C4orf54: variants seen among roughly 807,000 people sequenced by gnomAD.
The protein encoded by C4orf54 is uncharacterized protein C4orf54.
C4orf54 carries 67 observed loss-of-function variants against 80.1 expected under a neutral mutation model. That is an observed-to-expected ratio of 0.84 (90% CI 0.69 to 1.03). C4orf54 has a LOEUF of 1.03. Among genes scored for constraint, C4orf54 ranks in the 50% least tolerant of loss-of-function variants. The pLI is 0.00. For missense variants in C4orf54, 2,434 were observed against 2,253.5 expected, an observed-to-expected ratio of 1.08 and a Z score of -1.62; for synonymous variants, 1,000 against 917.0, an observed-to-expected ratio of 1.09 and a Z score of -1.64.
chr4:99,649,521 C>G lies in C4orf54; in HGVS notation c.5128G>C (p.Val1710Leu). ...GCCTCTTTGCTGGAAGGTTCTGCCACCATTGGGGAGAGCTCACTTCCTCTT... is the reference window on the plus strand; with the variant it reads ...GCCTCTTTGCTGGAAGGTTCTGCCAGCATTGGGGAGAGCTCACTTCCTCTT... ...APRGSELSPMVAEPSSKEAAA... is the reference protein window; with the variant it reads ...APRGSELSPMLAEPSSKEAAA... Residue 1710 changes from valine to leucine, a missense_variant, in exon 2 of 3, where the codon GTG becomes CTG. Val to Leu is a conservative substitution (Grantham distance 32). Coordinates refer to ENST00000511828, the MANE Select transcript of C4orf54 (RefSeq NM_001354435.2). The G allele has an allele frequency of 6.5e-6, 10 of 1,536,108 alleles. No individual in the cohort carries two copies. Among genetic ancestry groups the G allele is most frequent in the Non-Finnish European group, 8.7e-6 (10 of 1,146,906 alleles).
rs900721589 is a variant in C4orf54, at chr4:99,653,570, G to T, written c.1079C>A (p.Pro360His). 2.6e-6 allele frequency: 4 copies of T among 1,535,806 alleles called. No individual in the cohort carries two copies. The highest frequency in any genetic ancestry group is 2.4e-5 in the East Asian group (1 of 40,894). ...IAKSQGSRDP[P>H]KVEEAHYITT... is the part of the protein sequence containing the mutation. ...GATGTAGTGAGCCTCTTCGACTTTG[G>T]GGGGGTCCCTGCTGCCCTGGGACTT... is the stretch of plus-strand genomic sequence containing the variant. The change falls in exon 2 of 3, where the codon CCC (proline) becomes CAC (histidine). Residue 360 changes from proline (P) to histidine (H), a missense_variant. Physicochemically the swap from Pro to His is moderately conservative, Grantham distance 77. Transcript: ENST00000511828.
Position 99,650,819 on chromosome 4 carries a change from C to A in C4orf54, c.3830G>T (p.Arg1277Leu). 6.5e-6 allele frequency: 10 copies of A among 1,536,162 alleles called. No homozygotes were observed. Among genetic ancestry groups the A allele is most frequent in the Non-Finnish European group, 8.7e-6 (10 of 1,146,908 alleles). Residue 1277 changes from arginine to leucine, a missense_variant, in exon 2 of 3, where the codon CGC becomes CTC. Physicochemically the swap from Arg to Leu is moderately radical, Grantham distance 102 (BLOSUM62 -2). Coordinates refer to ENST00000511828, the MANE Select transcript of C4orf54 (RefSeq NM_001354435.2). ...CATCATAGGCAAGGGGTCGCTTTTG[C>A]GCTTCCACTCGTTCCTGTTGAAGCT... ...LYSFNRNEWK[R>L]KSDPLPMMMD...
rs1190140235 is a variant in C4orf54 at position 99,653,708 on chromosome 4, C to T, written c.941G>A (p.Gly314Asp). The T allele has an allele frequency of 6.5e-7, 1 of 1,532,212 alleles. No individual in the cohort carries two copies. Among genetic ancestry groups the T allele is most frequent in the South Asian group, 1.2e-5 (1 of 83,564 alleles). The allele number at this position is 1,532,212 out of a possible 1,614,324, so 94.9% of individuals were successfully genotyped here. The change falls in exon 2 of 3, where the codon GGT (glycine) becomes GAT (aspartate). Residue 314 changes from glycine (G) to aspartate (D), a missense_variant. Coordinates refer to ENST00000511828, the MANE Select transcript of C4orf54 (RefSeq NM_001354435.2). ...GFESESGESE[G>D]CQAVGGEGEK... is the part of the protein sequence containing the mutation. ...TCCTTCTCCTCCCACGGCCTGGCAA[C>T]CTTCACTTTCACCACTCTCACTCTC...
In C4orf54 at chr4:99,652,093, G is replaced by A; in HGVS notation, c.2556C>T (p.Arg852=). 4.6e-6 allele frequency: 7 copies of A among 1,536,070 alleles called. No homozygotes were observed. Among genetic ancestry groups the A allele is most frequent in the Admixed American group, 2.0e-5 (1 of 51,000 alleles). ...CCCTCTCTCGCTGCCTCTCGCTCCCGCGGGCGCCCTCCGTCTCCTTGGAGG... is the reference window on the plus strand; with the variant it reads ...CCCTCTCTCGCTGCCTCTCGCTCCCACGGGCGCCCTCCGTCTCCTTGGAGG... The part of the protein sequence containing the change: ...SGTSKETEGA[R]GSERQRERGL... The change falls in exon 2 of 3, where the codon CGC becomes CGT. Residue 852 remains arginine, a synonymous_variant. Coordinates refer to ENST00000511828, the MANE Select transcript of C4orf54 (RefSeq NM_001354435.2).
chr4:99,641,412 C>G (rs1023547014), intron 2 of C4orf54, among the ~76,000 whole-genome samples: 1 of 151,948 alleles, frequency 6.6e-6, no homozygotes, highest in Non-Finnish European at 1.5e-5. Context: ...AGGAAATTGC[C>G]CCAAGTGGAA....
Position 99,653,771 on chromosome 4 carries a change from G to A in C4orf54, c.878C>T (p.Thr293Ile). The change falls in exon 2 of 3, where the codon ACA (threonine) becomes ATA (isoleucine). Residue 293 changes from threonine to isoleucine, a missense_variant. Coordinates refer to ENST00000511828, the MANE Select transcript of C4orf54 (RefSeq NM_001354435.2). ...TGAAGAGGAGGTGGCCAGAGCCCCT[G>A]TGGATGTGGTGGAGTCCTCCATTTT... The part of the protein sequence containing the change: ...LSKMEDSTTS[T>I]GALATSSSSL... 1 of 1,536,122 alleles carries A rather than the reference G, an allele frequency of 6.5e-7. No individual in the cohort carries two copies. Among genetic ancestry groups the A allele is most frequent in the Non-Finnish European group, 8.7e-7 (1 of 1,146,910 alleles).
Position 99,637,196 on chromosome 4 carries a change from G to T in C4orf54, c.*4037C>A, listed in dbSNP as rs1438367863. ...ATTATGAAACTTAAAAAAAGAAAAA[G>T]AAATCAAATCAGATGTGTGTGTTTT... On this transcript the variant is annotated 3_prime_UTR_variant, in exon 3 of 3. Coordinates refer to ENST00000511828, the MANE Select transcript of C4orf54 (RefSeq NM_001354435.2). The T allele has an allele frequency of 1.3e-5, 2 of 152,102 alleles. No individual in the cohort carries two copies. Among genetic ancestry groups the T allele is most frequent in the Non-Finnish European group, 2.9e-5 (2 of 68,000 alleles). 9.4% of individuals were successfully genotyped at this position (152,102 alleles called of 1,614,324 possible).
At chr4:99,642,156 A>T (rs1408161496) in intron 2 of C4orf54, among the ~76,000 whole-genome samples, 1 of 152,216 alleles carries the variant, frequency 6.6e-6, no homozygotes, top group South Asian at 2.1e-4. Flanking sequence ...GCAAGATGAA[A>T]GGGACCATTG....
chr4:99,652,105 C>A lies in C4orf54; in HGVS notation c.2544G>T (p.Thr848=). The A allele has an allele frequency of 1.4e-5, 22 of 1,536,092 alleles. No homozygotes were observed. Among genetic ancestry groups the A allele is most frequent in the Non-Finnish European group, 1.7e-5 (20 of 1,146,880 alleles). ...GCCTCTCGCTCCCGCGGGCGCCCTCCGTCTCCTTGGAGGTGCCTGAGAGGT... is the reference window on the plus strand; with the variant it reads ...GCCTCTCGCTCCCGCGGGCGCCCTCAGTCTCCTTGGAGGTGCCTGAGAGGT... ...SHHLSGTSKE[T]EGARGSERQR... Residue 848 remains threonine, a synonymous_variant, in exon 2 of 3, where the codon ACG becomes ACT. Coordinates refer to ENST00000511828, the MANE Select transcript of C4orf54 (RefSeq NM_001354435.2).
rs1560641317 is a variant in C4orf54 at position 99,653,632 on chromosome 4, C to G, written c.1017G>C (p.Gly339=). The G allele has an allele frequency of 6.5e-7, 1 of 1,534,290 alleles. No individual in the cohort carries two copies. Residue 339 remains glycine, a synonymous_variant, in exon 2 of 3, where the codon GGG becomes GGC. Coordinates refer to ENST00000511828, the MANE Select transcript of C4orf54 (RefSeq NM_001354435.2). ...CCCTGCACTCTGTTCCATCTCCTGCCCCTCCTCCCCCTCCTCCTTTTCCTC... is the reference window on the plus strand; with the variant it reads ...CCCTGCACTCTGTTCCATCTCCTGCGCCTCCTCCCCCTCCTCCTTTTCCTC... ...GGGGKGGGGG[G]AGDGTECRDI...
intron 2 of C4orf54, among the ~76,000 whole-genome samples, chr4:99,642,355 G>T (rs966097349): frequency 6.6e-6 from 1 of 152,196 alleles, no homozygotes; most frequent in African/African-American, 2.4e-5. Context: ...GGCAAGATTT[G>T]CAAAGACTCC....
Position 99,651,011 on chromosome 4 carries a change from TGCTCGGGCTTA to T in C4orf54, c.3627_3637del (p.Asn1209LysfsTer85), listed in dbSNP as rs1560638498. 1.3e-6 allele frequency: 2 copies of T among 1,536,010 alleles called. No individual in the cohort carries two copies. The highest frequency in any genetic ancestry group is 2.4e-5 in the South Asian group (2 of 84,050). On this transcript the variant is annotated frameshift_variant, in exon 2 of 3. Transcript: ENST00000511828. LOFTEE classifies it high-confidence loss of function. ...CTTGAGCACAGGCAGGTATGAGCCC[TGCTCGGGCTTA>T]TTGGGGGCAATGGTAGCCACAGGCA...
rs1198086918 is a variant in C4orf54, at chr4:99,653,249, G to A, written c.1400C>T (p.Thr467Ile). ...GTCAGAGGGGCCACTGCCCACTTCGGTGCTGCTGGTGTCGCGGCCACTGCG... is the reference window on the plus strand; with the variant it reads ...GTCAGAGGGGCCACTGCCCACTTCGATGCTGCTGGTGTCGCGGCCACTGCG... ...AGRSGRDTSS[T>I]EVGSGPSDSG... Residue 467 changes from threonine (T) to isoleucine (I), a missense_variant, in exon 2 of 3, where the codon ACC becomes ATC. Thr to Ile is a moderately conservative substitution (Grantham distance 89). Coordinates refer to ENST00000511828, the MANE Select transcript of C4orf54 (RefSeq NM_001354435.2). 116 of 1,532,080 alleles carry A rather than the reference G, an allele frequency of 7.6e-5. 1 individual carries two copies. In the Admixed American group the frequency reaches 2.2e-3, roughly 30 times the overall value. 94.9% of individuals were successfully genotyped at this position (1,532,080 alleles called of 1,614,324 possible). A position where few individuals can be genotyped will look rare whatever the true frequency, so the allele number is the denominator to read the frequency against.
intron 2 of C4orf54, among the ~76,000 whole-genome samples, chr4:99,647,422 G>A (rs1414904437): frequency 1.3e-5 from 2 of 152,128 alleles, no homozygotes; most frequent in Admixed American, 6.5e-5. Flanking sequence ...TTCCTTCTGC[G>A]AAACTAATTC....
chr4:99,645,584 T>G (rs1726688526), intron 2 of C4orf54, among the ~76,000 whole-genome samples: 1 of 151,764 alleles, frequency 6.6e-6, no homozygotes, highest in South Asian at 2.1e-4. Context: ...ATTAAAATCT[T>G]AAAACAAAAA....
intron 1 of C4orf54, among the ~76,000 whole-genome samples, chr4:99,655,167 A>G (rs1726958884): frequency 6.6e-6 from 1 of 152,228 alleles, no homozygotes; most frequent in Admixed American, 6.5e-5. Flanking sequence ...GTTACACTCT[A>G]TGAAACACGA....
In C4orf54 at chr4:99,651,731, C is replaced by A. The variant is rs1483187033; in HGVS notation, c.2918G>T (p.Arg973Leu). The A allele has an allele frequency of 5.2e-6, 8 of 1,535,952 alleles. No homozygotes were observed. Among genetic ancestry groups the A allele is most frequent in the Non-Finnish European group, 6.1e-6 (7 of 1,146,906 alleles). ...KLKLPKGGDW[R>L]ADLGEISASK... ...GGCAGAAATCTCCCCGAGATCAGCC[C>A]GCCAGTCGCCTCCTTTGGGCAGCTT... The change falls in exon 2 of 3, where the codon CGG becomes CTG. Residue 973 changes from arginine (R) to leucine (L), a missense_variant. Transcript: ENST00000511828.
intron 2 of C4orf54, among the ~76,000 whole-genome samples, chr4:99,645,229 C>T (rs1726680498): frequency 6.6e-6 from 1 of 151,852 alleles, no homozygotes; most frequent in Non-Finnish European, 1.5e-5. Context: ...TCTAGGGACT[C>T]ATTAGAATAA....
rs1726749983 is a variant in C4orf54 at position 99,649,222 on chromosome 4, T to C, written c.*36+9A>G. 6.9e-7 allele frequency: 1 copy of C among 1,455,378 alleles called. No homozygotes were observed. The highest frequency in any genetic ancestry group is 1.4e-5 in the African/African-American group (1 of 70,374). 90.2% of individuals were successfully genotyped at this position (1,455,378 alleles called of 1,614,324 possible). On this transcript the variant is annotated intron_variant, in intron 2 of 2. Transcript: ENST00000511828. ...CTTAAACCTGATTATCAAAGTGAAA[T>C]TCACTTACCAGCAGTTTTTCATTCC...
Sources: gnomAD v4.1 joint callset for allele counts (sites outside exome capture counted in the v4.1 genomes callset) on GRCh38, gnomAD v4.1.1 for gene constraint, MANE v1.5 for transcripts, NCBI Gene and HGNC (gene_info 2026-07-23, HGNC 2026-07-21) for gene names.